The following CATSPERE variants were observed in gnomAD, a reference collection of about 807,000 sequenced individuals.
CATSPERE encodes catsper channel auxiliary subunit epsilon.
In CATSPERE, 93 loss-of-function variants were observed where a neutral mutation model predicts 114.1. The ratio of observed to expected loss-of-function variants is 0.81; its 90% confidence interval spans 0.69 to 0.97. The LOEUF is 0.97. Among genes scored for constraint, CATSPERE ranks in the 50% least tolerant of loss-of-function variants. The pLI, the probability that CATSPERE is intolerant of heterozygous loss-of-function variation, is 0.00. For synonymous variants in CATSPERE, 341 were observed against 384.1 expected (o/e 0.89, Z 1.31); for missense variants, 1,058 against 1,131.6 (o/e 0.93, Z 0.93).
rs543923576 is a variant in CATSPERE, at chr1:244,605,131, G to A, written c.2304-564G>A. On this transcript the variant is annotated intron_variant, in intron 17 of 21. Transcript: ENST00000366534. Reference sequence around the variant, plus strand: ...ACACCTTCCAGCTGGTTCCTCCTAGGGGGATCTGCAGCATCTCCGTTCTCA... The same window carrying A: ...ACACCTTCCAGCTGGTTCCTCCTAGAGGGATCTGCAGCATCTCCGTTCTCA... Among the ~76,000 whole-genome samples the A allele has an allele frequency of 5.3e-5, 8 of 152,222 alleles. No individual in the cohort carries two copies. In the East Asian group the frequency reaches 1.5e-3, roughly 29 times the overall value.
Position 244,518,291 on chromosome 1 carries a change from G to T in CATSPERE, c.430-301G>T, listed in dbSNP as rs3006049. On this transcript the variant is annotated intron_variant, in intron 7 of 21. Transcript: ENST00000366534. ...TCAGAAACTCTACTATGTATTTCATGGAGATTAACACTAGGGTTATTTATT... is the reference window on the plus strand; with the variant it reads ...TCAGAAACTCTACTATGTATTTCATTGAGATTAACACTAGGGTTATTTATT... Among the ~76,000 whole-genome samples the T allele has an allele frequency of 7.2e-3, 1,101 of 152,228 alleles. 14 individuals carry two copies. The highest frequency in any genetic ancestry group is 0.025 in the African/African-American group (1,026 of 41,528).
chr1:244,622,031 C>G (rs1240781496), intron 20 of CATSPERE, among the ~76,000 whole-genome samples: 4 of 152,188 alleles, frequency 2.6e-5, no homozygotes, highest in Non-Finnish European at 5.9e-5. Flanking sequence ...TGAAGTCTCA[C>G]AGTTTATCGC....
intron 2 of CATSPERE, among the ~76,000 whole-genome samples, chr1:244,470,885 A>G (rs565966939): frequency 1.1e-4 from 17 of 152,370 alleles, no homozygotes; most frequent in Admixed American, 4.6e-4. Context: ...CCTTGAAAAC[A>G]TTATGCTAAG....
At chr1:244,608,111 A>G (rs895752317) in intron 18 of CATSPERE, among the ~76,000 whole-genome samples, 1 of 152,092 alleles carries the variant, frequency 6.6e-6, no homozygotes, top group African/African-American at 2.4e-5. Flanking sequence ...CGTCTAAAAA[A>G]ATAATAATAA....
Position 244,527,544 on chromosome 1 carries a change from G to A in CATSPERE, c.536+8846G>A, listed in dbSNP as rs940601137. Among the ~76,000 whole-genome samples the A allele has an allele frequency of 1.9e-4, 29 of 152,082 alleles. 1 individual carries two copies. Among genetic ancestry groups the A allele is most frequent in the African/African-American group, 2.4e-5 (1 of 41,404 alleles). ...TGTACAAACAATTTGTGCAGTTAATGCAATCATCACAGGGTCCCGAGGCAA... is the reference window on the plus strand; with the variant it reads ...TGTACAAACAATTTGTGCAGTTAATACAATCATCACAGGGTCCCGAGGCAA... On this transcript the variant is annotated intron_variant, in intron 8 of 21. Coordinates refer to ENST00000366534, the MANE Select transcript of CATSPERE (RefSeq NM_001130957.2).
At chr1:244,588,193 CAAAAA>C (rs34464391) in intron 13 of CATSPERE, among the ~76,000 whole-genome samples, 4 of 107,984 alleles carry the variant, frequency 3.7e-5, no homozygotes, top group Non-Finnish European at 3.8e-5. Flanking sequence ...GACTTCATCT[CAAAAA>C]AAAAAAAAAA....
intron 20 of CATSPERE, among the ~76,000 whole-genome samples, chr1:244,632,333 G>A (rs1336020984): frequency 1.4e-5 from 2 of 142,030 alleles, no homozygotes; most frequent in East Asian, 4.1e-4. Flanking sequence ...GGCGGAGGTT[G>A]CAGTGAGGCA....
At chr1:244,531,588 A>G (rs1679609685) in intron 8 of CATSPERE, among the ~76,000 whole-genome samples, 1 of 152,180 alleles carries the variant, frequency 6.6e-6, no homozygotes, top group Non-Finnish European at 1.5e-5. Context: ...TGAAATGATC[A>G]TATGGCTTTT....
Position 244,492,392 on chromosome 1 carries a change from C to T in CATSPERE, c.351+1921C>T, listed in dbSNP as rs867724075. Among the ~76,000 whole-genome samples, 817 of 151,254 alleles carry T rather than the reference C, an allele frequency of 5.4e-3. 10 individuals are homozygous for T. The highest frequency in any genetic ancestry group is 0.019 in the African/African-American group (780 of 41,290). Reference sequence around the variant, plus strand: ...AGAAAAGGCCTTTGACAAAATTCAACAACCCTTCATGCTAAAAACTCTCAA... The same window carrying T: ...AGAAAAGGCCTTTGACAAAATTCAATAACCCTTCATGCTAAAAACTCTCAA... On this transcript the variant is annotated intron_variant, in intron 6 of 21. Coordinates refer to ENST00000366534, the MANE Select transcript of CATSPERE (RefSeq NM_001130957.2).
Position 244,585,827 on chromosome 1 carries a change from A to T in CATSPERE, c.2085+1888A>T, listed in dbSNP as rs749750197. ...GAACTGGCAGCTCCAACAAGGCTGC[A>T]TCTCACTTTTTAACCATGCACCAAG... On this transcript the variant is annotated intron_variant, in intron 13 of 21. Coordinates refer to ENST00000366534, the MANE Select transcript of CATSPERE (RefSeq NM_001130957.2). Among the ~76,000 whole-genome samples the T allele has an allele frequency of 2.6e-4, 40 of 152,248 alleles. 1 individual carries two copies. Among genetic ancestry groups the T allele is most frequent in the Non-Finnish European group, 5.3e-4 (36 of 68,048 alleles).
At chr1:244,465,236 A>G (rs1040713359) in intron 2 of CATSPERE, among the ~76,000 whole-genome samples, 11 of 152,156 alleles carry the variant, frequency 7.2e-5, no homozygotes, top group Non-Finnish European at 1.2e-4. Flanking sequence ...GGATTTCACC[A>G]TATTGGCCAG....
intron 20 of CATSPERE, among the ~76,000 whole-genome samples, chr1:244,632,566 T>C (rs1257875142): frequency 6.6e-6 from 1 of 151,904 alleles, no homozygotes; most frequent in Non-Finnish European, 1.5e-5. Context: ...ATACAAATAG[T>C]ATACCATTAA....
intron 8 of CATSPERE, among the ~76,000 whole-genome samples, chr1:244,533,961 C>G (rs1177750650): frequency 1.3e-5 from 2 of 151,968 alleles, no homozygotes. Context: ...TGATGAAATC[C>G]CTCAGCTTTT....
chr1:244,595,271 C>T (rs1031901743), intron 17 of CATSPERE, among the ~76,000 whole-genome samples: 3 of 152,124 alleles, frequency 2.0e-5, no homozygotes, highest in African/African-American at 7.2e-5. Flanking sequence ...CAGAATGGAG[C>T]AGTGTGGGTG....
intron 7 of CATSPERE, 48 bp from the exon 8 acceptor site, chr1:244,518,544 C>A: frequency 8.8e-7 from 1 of 1,137,736 alleles, no homozygotes; most frequent in Non-Finnish European, 1.3e-6. Flanking sequence ...CATCAAAATA[C>A]TTTAGCTATG....
At chr1:244,602,330 G>C (rs929572905) in intron 17 of CATSPERE, among the ~76,000 whole-genome samples, 2 of 152,218 alleles carry the variant, frequency 1.3e-5, no homozygotes, top group African/African-American at 4.8e-5. Context: ...TATCCGATCA[G>C]GTATTCATCA....
chr1:244,493,021 C>T lies in CATSPERE; in HGVS notation c.351+2550C>T, dbSNP rs1222308304. Among the ~76,000 whole-genome samples the T allele has an allele frequency of 2.7e-5, 4 of 150,662 alleles. No homozygotes were observed. In the East Asian group the frequency reaches 5.8e-4, roughly 22 times the overall value. ...ATATCGTGAAAATGGCCATACTGCC[C>T]AAGGTAATTTACAGATTCAATGCCA... On this transcript the variant is annotated intron_variant, in intron 6 of 21. Transcript: ENST00000366534.
intron 8 of CATSPERE, among the ~76,000 whole-genome samples, chr1:244,528,449 T>A (rs952212248): frequency 1.3e-5 from 2 of 152,120 alleles, no homozygotes; most frequent in Admixed American, 1.3e-4. Flanking sequence ...ACTAGAAAAA[T>A]TAAATAGTAC....
intron 5 of CATSPERE, among the ~76,000 whole-genome samples, chr1:244,484,066 A>T (rs949028247): frequency 6.6e-6 from 1 of 152,168 alleles, no homozygotes; most frequent in African/African-American, 2.4e-5. Context: ...TAATCTATTT[A>T]TCCAGAATAT....
Sources: gnomAD v4.1 joint callset for allele counts (sites outside exome capture counted in the v4.1 genomes callset) on GRCh38, gnomAD v4.1.1 for gene constraint, MANE v1.5 for transcripts, NCBI Gene and HGNC (gene_info 2026-07-23, HGNC 2026-07-21) for gene names.